The following LARP4B variants were observed in gnomAD, a reference collection of about 807,000 sequenced individuals.
LARP4B encodes the protein La ribonucleoprotein 4B.
LARP4B carries 12 observed loss-of-function variants against 89.8 expected under a neutral mutation model. The ratio of observed to expected loss-of-function variants is 0.13; its 90% CI spans 0.09 to 0.22. The LOEUF is 0.22. Among genes scored for constraint, LARP4B ranks in the 10% least tolerant of loss-of-function variants. The pLI is 1.00. For synonymous variants in LARP4B, 367 were observed against 363.3 expected (o/e 1.01, Z -0.12); for missense variants, 757 against 947.7 (o/e 0.80, Z 2.64).
At chr10:955,183 C>T in the LARP4B span, among the ~76,000 whole-genome samples, 1 of 152,246 alleles carries the variant, frequency 6.6e-6, no homozygotes, top group Non-Finnish European at 1.5e-5. The surrounding 1 kb of genome is among the most constrained non-coding windows in gnomAD (Gnocchi z 5.2). Flanking sequence ...AGTAGGCTCA[C>T]ATTCCCTCCC....
At chr10:848,006 T>G (rs1833861544) in intron 5 of LARP4B, among the ~76,000 whole-genome samples, 1 of 152,098 alleles carries the variant, frequency 6.6e-6, no homozygotes, top group Admixed American at 6.6e-5. Context: ...CAGGAGGAGC[T>G]CCAGAGAACC....
At chr10:855,787 G>A (rs1834269851) in intron 5 of LARP4B, among the ~76,000 whole-genome samples, 1 of 152,234 alleles carries the variant, frequency 6.6e-6, no homozygotes, top group South Asian at 2.1e-4. Context: ...AAAGAAGGTG[G>A]TAGCTGCAAA....
chr10:976,370 G>A, the LARP4B span, among the ~76,000 whole-genome samples: 13 of 150,890 alleles, frequency 8.6e-5, no homozygotes, highest in East Asian at 4.0e-4. Flanking sequence ...TGTGTGGCCC[G>A]GCTTAGTAGA....
chr10:913,317 C>T (rs925510345), intron 1 of LARP4B, among the ~76,000 whole-genome samples: 3 of 152,168 alleles, frequency 2.0e-5, no homozygotes, highest in East Asian at 1.9e-4. Flanking sequence ...CATGTCTTTA[C>T]TTTTATGTAT....
At chr10:913,337 G>A (rs943543460) in intron 1 of LARP4B, among the ~76,000 whole-genome samples, 7 of 152,178 alleles carry the variant, frequency 4.6e-5, no homozygotes, top group Non-Finnish European at 7.3e-5. Context: ...TCATATATAT[G>A]TGATATTTCA....
chr10:896,035 G>A (rs976750300), intron 1 of LARP4B, among the ~76,000 whole-genome samples: 5 of 151,228 alleles, frequency 3.3e-5, no homozygotes, highest in African/African-American at 4.9e-5. Context: ...TGCTGCCCAC[G>A]CAGGAGAAGC....
intron 13 of LARP4B, among the ~76,000 whole-genome samples, chr10:821,647 T>C (rs1191295750): frequency 6.6e-6 from 1 of 152,246 alleles, no homozygotes; most frequent in African/African-American, 2.4e-5. Flanking sequence ...TTGTATTACA[T>C]AACCTGGAAA....
chr10:819,260 T>C (rs921905249), intron 14 of LARP4B: 1 of 152,160 alleles, frequency 6.6e-6, no homozygotes, highest in Non-Finnish European at 1.5e-5. Context: ...CAAAAATGTA[T>C]TTAAATCTCA....
intron 9 of LARP4B, 139 bp from the exon 10 acceptor site, chr10:829,873 C>A: frequency 1.5e-6 from 1 of 645,982 alleles, no homozygotes; most frequent in Non-Finnish European, 2.7e-6. Flanking sequence ...ATTCTTGACA[C>A]TCCCTGGGTC....
At chr10:975,576 C>T in the LARP4B span, among the ~76,000 whole-genome samples, 2 of 152,222 alleles carry the variant, frequency 1.3e-5, no homozygotes, top group South Asian at 2.1e-4. Context: ...AGCTCCACTG[C>T]GTGGCGAATC....
chr10:821,874 G>A lies in LARP4B; in HGVS notation c.1485-1029C>T, dbSNP rs139850027. ...TCCTGGCTTTCTACTGGTGCCTTGC[G>A]GAGACTGCAGGCCAGACTATGGGAC... On this transcript the variant is annotated intron_variant, in intron 13 of 17. Coordinates refer to ENST00000316157, the MANE Select transcript of LARP4B (RefSeq NM_015155.3). 1.4e-3 allele frequency among the ~76,000 whole-genome samples: 212 copies of A among 152,286 alleles called. 1 individual carries two copies. Among genetic ancestry groups the A allele is most frequent in the African/African-American group, 4.8e-3 (198 of 41,558 alleles).
intron 8 of LARP4B, among the ~76,000 whole-genome samples, chr10:832,731 C>T (rs1832974491): frequency 6.6e-6 from 1 of 152,000 alleles, no homozygotes; most frequent in Non-Finnish European, 1.5e-5. Context: ...AAATACCTTT[C>T]ATAAATAAAG....
chr10:970,647 G>C, the LARP4B span, among the ~76,000 whole-genome samples: 1 of 152,168 alleles, frequency 6.6e-6, no homozygotes, highest in Non-Finnish European at 1.5e-5. Flanking sequence ...TTTGCAAACA[G>C]GGAAAATTCA....
the LARP4B span, among the ~76,000 whole-genome samples, chr10:938,499 C>A: frequency 6.6e-6 from 1 of 150,984 alleles, no homozygotes; most frequent in East Asian, 2.0e-4. Flanking sequence ...GTGATCCGCC[C>A]GCCTCGGCCT....
At chr10:975,881 C>T in the LARP4B span, among the ~76,000 whole-genome samples, 5 of 150,780 alleles carry the variant, frequency 3.3e-5, no homozygotes, top group South Asian at 2.1e-4. Flanking sequence ...ATGTGTGGAC[C>T]CAGCCTAGTA....
rs1833213027 is a variant in LARP4B, at chr10:836,255, G to A, written c.750+148C>T. ...ATTCCCTCCTACTCTGTAACTCACT[G>A]TGTGTAAATCCTGGGAAAACAGTGT... On this transcript the variant is annotated intron_variant, in intron 8 of 17. Transcript: ENST00000316157. 14 of 564,742 alleles carry A rather than the reference G, an allele frequency of 2.5e-5. No homozygotes were observed. The South Asian group carries it at 2.6e-4, about 10-fold the overall frequency. The allele number at this position is 564,742 out of a possible 1,614,324, so 35.0% of individuals were successfully genotyped here.
intron 3 of LARP4B, chr10:873,003 C>T: frequency 1.0e-6 from 1 of 984,282 alleles, no homozygotes; most frequent in Non-Finnish European, 1.2e-6. Context: ...TGAACCTCCT[C>T]ACCTTTGACG....
chr10:815,077 C>A lies in LARP4B; in HGVS notation c.1696-7G>T. 6.4e-7 allele frequency: 1 copy of A among 1,563,568 alleles called. No individual in the cohort carries two copies. The highest frequency in any genetic ancestry group is 8.7e-7 in the Non-Finnish European group (1 of 1,152,780). On this transcript the variant is annotated splice_polypyrimidine_tract_variant and splice_region_variant and intron_variant, in intron 15 of 17. Transcript: ENST00000316157. ...TTGCGTCTGCACTGAGGGTCTGAAA[C>A]AGGGTCAAGAGTGTTCATCAGAGTC...
the LARP4B span, chr10:972,631 A>C: frequency 2.2e-6 from 1 of 457,368 alleles, no homozygotes; most frequent in Non-Finnish European, 4.4e-6. Context: ...CAATCATGAA[A>C]CATTCCATTT....
Sources: gnomAD v4.1 joint callset for allele counts (sites outside exome capture counted in the v4.1 genomes callset) on GRCh38, gnomAD v4.1.1 for gene constraint, Gnocchi (gnomAD v3.1) non-coding constraint, MANE v1.5 for transcripts, NCBI Gene and HGNC (gene_info 2026-07-23, HGNC 2026-07-21) for gene names.